Variants in TNC observed in about 807,000 individuals in gnomAD.
TNC encodes tenascin.
TNC carries 109 observed loss-of-function variants against 202.4 expected under a neutral mutation model. The observed-to-expected ratio is 0.54, with a 90% CI of 0.46 to 0.63. The LOEUF is 0.63. Ranked by LOEUF, TNC falls within the 30% of genes least tolerant of loss-of-function variation. The pLI, the probability that TNC is intolerant of heterozygous loss-of-function variation, is 0.00. For synonymous variants in TNC, 1,007 were observed against 1,089.7 expected (o/e 0.92, Z 1.50); for missense variants, 2,756 against 2,833.3 (o/e 0.97, Z 0.62).
chr9:115,095,626 A>G (rs1246146946), intron 1 of TNC, among the ~76,000 whole-genome samples: 2 of 4,954 alleles, frequency 4.0e-4, no homozygotes, highest in Admixed American at 5.7e-3. Context: ...GTATATATAT[A>G]TGTATATATA....
intron 15 of TNC, chr9:115,052,886 T>G (rs1054081903): frequency 2.8e-6 from 2 of 702,626 alleles, no homozygotes; most frequent in African/African-American, 3.5e-5. Flanking sequence ...CTGGGACTCA[T>G]GCAGTGAGTG....
At chr9:115,024,577 G>A (rs1829331513) in intron 26 of TNC, among the ~76,000 whole-genome samples, 1 of 152,156 alleles carries the variant, frequency 6.6e-6, no homozygotes, top group Non-Finnish European at 1.5e-5. Context: ...TTATTTTTAT[G>A]ACTTTTCTGC....
chr9:115,090,495 A>G, intron 2 of TNC, 67 bp downstream of exon 2: 2 of 1,310,862 alleles, frequency 1.5e-6, no homozygotes, highest in Non-Finnish European at 1.1e-6. Context: ...CAAGTGATGG[A>G]TGCTGCTATG....
intron 17 of TNC, among the ~76,000 whole-genome samples, chr9:115,043,931 C>T (rs1479933753): frequency 6.6e-6 from 1 of 152,174 alleles, no homozygotes; most frequent in Non-Finnish European, 1.5e-5. Flanking sequence ...AGAAATTCTG[C>T]TAAATACTTG....
intron 23 of TNC, among the ~76,000 whole-genome samples, chr9:115,030,908 T>C (rs1389880638): frequency 6.6e-6 from 1 of 152,188 alleles, no homozygotes; most frequent in Non-Finnish European, 1.5e-5. Flanking sequence ...TTGTGACAGG[T>C]GCAGGGGGAG....
chr9:115,033,155 G>A (rs1830070681), intron 22 of TNC, among the ~76,000 whole-genome samples: 1 of 152,198 alleles, frequency 6.6e-6, no homozygotes, highest in African/African-American at 2.4e-5. Context: ...GTTGGAGGCA[G>A]AGGATGATCT....
intron 13 of TNC, among the ~76,000 whole-genome samples, chr9:115,060,731 T>C (rs7851618): frequency 0.21 from 31,952 of 152,110 alleles, 3,464 homozygotes; most frequent in South Asian, 0.24. Flanking sequence ...CTGTCTCAGG[T>C]GTGAACAAGT....
At position 115,056,359 on chromosome 9, in the gene TNC, G is replaced by T. The variant is rs983032633; in HGVS notation, c.4579+794C>A. Among the ~76,000 whole-genome samples the T allele has an allele frequency of 5.3e-5, 8 of 152,106 alleles. No homozygotes were observed. In the East Asian group the frequency reaches 1.3e-3, roughly 26 times the overall value. On this transcript the variant is annotated intron_variant, in intron 15 of 27. Transcript: ENST00000350763. Reference sequence around the variant, plus strand: ...GCTACTTTGAATGTAGCATTAGAAAGGGGGGCTCCCCTTTCTAAATTCACA... The same window carrying T: ...GCTACTTTGAATGTAGCATTAGAAATGGGGGCTCCCCTTTCTAAATTCACA...
intron 1 of TNC, among the ~76,000 whole-genome samples, chr9:115,097,235 C>T (rs1290491709): frequency 3.3e-5 from 5 of 152,156 alleles, no homozygotes; most frequent in African/African-American, 7.2e-5. Context: ...TCAATTTCCC[C>T]GCCTCCTCTC....
chr9:115,054,853 T>G (rs952546380), intron 15 of TNC, among the ~76,000 whole-genome samples: 2 of 152,202 alleles, frequency 1.3e-5, no homozygotes, highest in Admixed American at 1.3e-4. Context: ...AGCCTGAGAC[T>G]TTGTGACAGC....
At chr9:115,068,134 T>C (rs1199331596) in intron 10 of TNC, among the ~76,000 whole-genome samples, 1 of 152,208 alleles carries the variant, frequency 6.6e-6, no homozygotes, top group Non-Finnish European at 1.5e-5. Flanking sequence ...ACATTTCAAC[T>C]GCAAATGACA....
chr9:115,074,575 T>C (rs746021261), intron 9 of TNC, among the ~76,000 whole-genome samples: 3 of 152,216 alleles, frequency 2.0e-5, no homozygotes, highest in Non-Finnish European at 4.4e-5. Context: ...TGGACTAATA[T>C]GTGTAGGATC....
At chr9:115,094,947 A>G (rs1835524502) in intron 1 of TNC, among the ~76,000 whole-genome samples, 1 of 151,844 alleles carries the variant, frequency 6.6e-6, no homozygotes. Flanking sequence ...CAGGAGAAAG[A>G]CTTTTCTAGT....
chr9:115,030,159 T>C, intron 24 of TNC, 95 bp downstream of exon 24: 1 of 1,284,742 alleles, frequency 7.8e-7, no homozygotes, highest in South Asian at 1.7e-5. Context: ...GGTGTCAGAG[T>C]GCATCAGGAG....
intron 15 of TNC, among the ~76,000 whole-genome samples, chr9:115,053,782 C>T (rs571065548): frequency 3.3e-5 from 5 of 152,116 alleles, no homozygotes; most frequent in East Asian, 1.9e-4. Context: ...CATTTAATAC[C>T]GTAAAGGTGA....
At chr9:115,076,344 C>T in intron 8 of TNC, 46 bp downstream of exon 8, 1 of 1,600,452 alleles carries the variant, frequency 6.2e-7, no homozygotes, top group Non-Finnish European at 8.5e-7. Context: ...CCTTTAAGGG[C>T]CCTCTAGGGC....
chr9:115,100,431 G>A (rs893942131), intron 1 of TNC, among the ~76,000 whole-genome samples: 7 of 152,046 alleles, frequency 4.6e-5, no homozygotes, highest in Non-Finnish European at 2.9e-5. Context: ...TATAAATAGA[G>A]GTAGTATATC....
At chr9:115,080,400 T>C (rs1451795223) in intron 6 of TNC, among the ~76,000 whole-genome samples, 1 of 152,148 alleles carries the variant, frequency 6.6e-6, no homozygotes. Context: ...CACTTGCTTA[T>C]GAAAGAGAAA....
At chr9:115,064,112 C>A in intron 11 of TNC, 44 bp from the exon 12 acceptor site, 1 of 1,530,212 alleles carries the variant, frequency 6.5e-7, no homozygotes, top group Non-Finnish European at 8.8e-7. Flanking sequence ...AATCACACAA[C>A]AAGATCCAGG....
Sources: allele counts gnomAD v4.1 joint callset (sites outside exome capture counted in the v4.1 genomes callset), GRCh38; gene constraint gnomAD v4.1.1; transcripts MANE v1.5; gene names NCBI Gene and HGNC (gene_info 2026-07-23, HGNC 2026-07-21).